APBB2: variants seen among roughly 807,000 people sequenced by gnomAD.
APBB2 encodes amyloid beta precursor protein binding family B member 2, also known as Fe65-like 1.
A neutral mutation model predicts 82.5 loss-of-function variants in APBB2; 38 were observed. The ratio of observed to expected loss-of-function variants is 0.46; its 90% CI spans 0.36 to 0.60. The LOEUF (loss-of-function observed/expected upper bound fraction) is 0.60, where lower values mean the gene tolerates loss of function less well. Ranked by LOEUF, APBB2 falls within the 20% of genes least tolerant of loss-of-function variation. The pLI is 0.00. For missense variants in APBB2, 772 were observed against 972.3 expected (o/e 0.79, Z 2.74); for synonymous variants, 341 against 368.2 (o/e 0.93, Z 0.85).
intron 6 of APBB2, among the ~76,000 whole-genome samples, chr4:40,947,428 A>G (rs1273177253): frequency 6.6e-6 from 1 of 152,228 alleles, no homozygotes; most frequent in Non-Finnish European, 1.5e-5. Flanking sequence ...TACATTATCA[A>G]AATATGACAC....
intron 10 of APBB2, among the ~76,000 whole-genome samples, chr4:40,903,932 C>T (rs1438601624): frequency 6.6e-6 from 1 of 152,180 alleles, no homozygotes; most frequent in Non-Finnish European, 1.5e-5. Flanking sequence ...ATATAGCCCA[C>T]ATACTATTTA....
At chr4:41,075,790 CT>C (rs1425188798) in intron 3 of APBB2, among the ~76,000 whole-genome samples, 1 of 152,166 alleles carries the variant, frequency 6.6e-6, no homozygotes, top group African/African-American at 2.4e-5. Flanking sequence ...GATAACTGAC[CT>C]TTTTTCTATT....
chr4:41,078,568 A>G (rs1736444275), intron 3 of APBB2, among the ~76,000 whole-genome samples: 1 of 152,226 alleles, frequency 6.6e-6, no homozygotes, highest in African/African-American at 2.4e-5. Flanking sequence ...TTTAAGGACC[A>G]CAGTGTGAGA....
intron 1 of APBB2, among the ~76,000 whole-genome samples, chr4:41,207,567 C>T (rs980299913): frequency 5.9e-5 from 9 of 152,182 alleles, no homozygotes; most frequent in African/African-American, 2.2e-4. Flanking sequence ...AACCACTTGC[C>T]CATTCTGTTC....
At chr4:40,880,162 G>C in intron 12 of APBB2, 1 of 985,412 alleles carries the variant, frequency 1.0e-6, no homozygotes, top group Non-Finnish European at 1.2e-6. Flanking sequence ...TAACATCAGT[G>C]CAAAGGAAGA....
At chr4:40,905,161 T>C (rs1301337102) in intron 10 of APBB2, among the ~76,000 whole-genome samples, 1 of 151,928 alleles carries the variant, frequency 6.6e-6, no homozygotes, top group African/African-American at 2.4e-5. Context: ...GCACTAAGGG[T>C]TGATCCATAA....
At chr4:40,881,227 G>A in intron 12 of APBB2, 1 of 985,350 alleles carries the variant, frequency 1.0e-6, no homozygotes, top group African/African-American at 1.7e-5. Context: ...ATAGTGTAGG[G>A]AGAGAATTAT....
intron 1 of APBB2, among the ~76,000 whole-genome samples, chr4:41,198,825 G>A (rs1368457734): frequency 6.6e-6 from 1 of 152,150 alleles, no homozygotes; most frequent in East Asian, 1.9e-4. Flanking sequence ...GTAGCCCCAA[G>A]CATCCCTTGG....
In APBB2 at chr4:41,127,553, C is replaced by T. The variant is rs974812197; in HGVS notation, c.-261+15434G>A. On this transcript the variant is annotated intron_variant, in intron 2 of 17. Transcript: ENST00000508593. This position sits in a 1 kb window ranked among gnomAD's most constrained non-coding sequence, Gnocchi z 4.8. ...ATAACACTATCGGAGATTAAGATTT[C>T]TATTCAAAGCAGGTATGTACTACAG... Among the ~76,000 whole-genome samples, 1 of 152,198 alleles carries T rather than the reference C, an allele frequency of 6.6e-6. No individual in the cohort carries two copies. The highest frequency in any genetic ancestry group is 1.5e-5 in the Non-Finnish European group (1 of 68,028).
intron 7 of APBB2, among the ~76,000 whole-genome samples, chr4:40,940,081 G>A (rs1271661511): frequency 6.6e-6 from 1 of 151,908 alleles, no homozygotes; most frequent in African/African-American, 2.4e-5. Flanking sequence ...GTCATGTACT[G>A]GGCCCTGTGC....
intron 13 of APBB2, 28 bp from the exon 14 acceptor site, chr4:40,827,247 G>A (rs774612176): frequency 6.2e-7 from 1 of 1,605,958 alleles, no homozygotes; most frequent in African/African-American, 1.3e-5. Context: ...CAGCTTTGGA[G>A]CGTGGGTTCA....
At chr4:40,994,200 T>C (rs1330882729) in intron 6 of APBB2, among the ~76,000 whole-genome samples, 2 of 150,114 alleles carry the variant, frequency 1.3e-5, no homozygotes, top group East Asian at 2.0e-4. Flanking sequence ...GGAAGGAGAA[T>C]GGCGTGAACC....
intron 10 of APBB2, among the ~76,000 whole-genome samples, chr4:40,902,010 C>G (rs1345101532): frequency 6.6e-6 from 1 of 151,756 alleles, no homozygotes; most frequent in Non-Finnish European, 1.5e-5. Context: ...TACAGTATAT[C>G]TTCACTTAAC....
intron 1 of APBB2, among the ~76,000 whole-genome samples, chr4:41,166,754 G>A (rs920729493): frequency 3.3e-5 from 5 of 151,934 alleles, no homozygotes; most frequent in South Asian, 2.1e-4. Context: ...AAAATTAGCC[G>A]GGTATGGTGG....
At chr4:41,123,417 G>A (rs567959464) in intron 2 of APBB2, among the ~76,000 whole-genome samples, 34 of 152,272 alleles carry the variant, frequency 2.2e-4, no homozygotes, top group South Asian at 2.1e-3. Context: ...TTACATTGAA[G>A]GGATTCTGTT....
chr4:41,008,662 A>G (rs533720594), intron 6 of APBB2, among the ~76,000 whole-genome samples: 1 of 152,346 alleles, frequency 6.6e-6, no homozygotes, highest in African/African-American at 2.4e-5. Flanking sequence ...ATATTCATTG[A>G]GCTCTTGCTA....
At chr4:40,906,642 T>A (rs28503600) in intron 10 of APBB2, among the ~76,000 whole-genome samples, 53,715 of 151,764 alleles carry the variant, frequency 0.35, 9,835 homozygotes, top group African/African-American at 0.44. Flanking sequence ...CTTAATTTAG[T>A]TCAATTTTCA....
rs1754671242 is a variant in APBB2, at chr4:41,127,298, G to A, written c.-261+15689C>T. ...AAAGATTTCTAAGCACCAGTTGCCAGTCCACATTTTATAAGCATTTGTACT... is the reference window on the plus strand; with the variant it reads ...AAAGATTTCTAAGCACCAGTTGCCAATCCACATTTTATAAGCATTTGTACT... On this transcript the variant is annotated intron_variant, in intron 2 of 17. Transcript: ENST00000508593. The surrounding 1 kb of genome is among the most constrained non-coding windows in gnomAD (Gnocchi z 4.8). Among the ~76,000 whole-genome samples the A allele has an allele frequency of 1.3e-5, 2 of 152,082 alleles. No homozygotes were observed. The highest frequency in any genetic ancestry group is 4.1e-4 in the South Asian group (2 of 4,832).
chr4:41,180,744 C>T (rs144508988), intron 1 of APBB2, among the ~76,000 whole-genome samples: 1 of 152,286 alleles, frequency 6.6e-6, no homozygotes, highest in Non-Finnish European at 1.5e-5. Context: ...TTCAAGGACT[C>T]CTGATCACTT....
Sources: allele counts gnomAD v4.1 joint callset (sites outside exome capture counted in the v4.1 genomes callset), GRCh38; gene constraint gnomAD v4.1.1; non-coding constraint Gnocchi (gnomAD v3.1); transcripts MANE v1.5; gene names NCBI Gene and HGNC (gene_info 2026-07-23, HGNC 2026-07-21).